Variants in HEATR4 observed in about 807,000 individuals in gnomAD.
The protein encoded by HEATR4 is HEAT repeat containing 4.
A neutral mutation model predicts 108.8 loss-of-function variants in HEATR4; 95 were observed. The ratio of observed to expected loss-of-function variants is 0.87; its 90% CI spans 0.74 to 1.04. The LOEUF is 1.04. Among genes scored for constraint, HEATR4 ranks in the 50% least tolerant of loss-of-function variants. HEATR4 has a pLI of 0.00. For missense variants in HEATR4, 1,152 were observed against 1,253.8 expected (o/e 0.92, Z 1.23); for synonymous variants, 443 against 459.4 (o/e 0.96, Z 0.46).
chr14:73,558,370 G>GT (rs67300726), intron 1 of HEATR4, among the ~76,000 whole-genome samples: 6,770 of 120,228 alleles, frequency 0.056, 579 homozygotes, highest in African/African-American at 0.18. Context: ...GCCTTGATTT[G>GT]TTTTTTTTTT....
upstream of HEATR4, among the ~76,000 whole-genome samples, chr14:73,561,831 A>T (rs1303905471): frequency 6.6e-6 from 1 of 152,012 alleles, no homozygotes; most frequent in Non-Finnish European, 1.5e-5. Context: ...CAAAAAACTT[A>T]AAAAGTATCC....
chr14:73,615,456 C>T, the HEATR4 span, among the ~76,000 whole-genome samples: 27 of 144,588 alleles, frequency 1.9e-4, no homozygotes, highest in African/African-American at 6.1e-4. Context: ...CAAGACTGGG[C>T]GCAGTGGCTT....
chr14:73,492,277 G>A lies in HEATR4; in HGVS notation c.2844+789C>T, dbSNP rs1885819908. ...GAGTCCACTCTCTGCACCTCACCTT[G>A]TCCACGTACCAGCGCAATACCTGGG... On this transcript the variant is annotated intron_variant, in intron 17 of 17. Transcript: ENST00000553558. This position sits in a 1 kb window ranked among gnomAD's most constrained non-coding sequence, Gnocchi z 4.9. 1 of 1,613,890 alleles carries A rather than the reference G, an allele frequency of 6.2e-7. No homozygotes were observed. The highest frequency in any genetic ancestry group is 1.1e-5 in the South Asian group (1 of 91,088).
At chr14:73,487,340 G>A (rs1028633497) in intron 17 of HEATR4, among the ~76,000 whole-genome samples, 25 of 152,088 alleles carry the variant, frequency 1.6e-4, no homozygotes, top group Non-Finnish European at 5.9e-5. Context: ...GCTGAGGCAG[G>A]CAGATCACCT....
At chr14:73,490,600 C>A (rs1885643124) in intron 17 of HEATR4, among the ~76,000 whole-genome samples, 2 of 152,198 alleles carry the variant, frequency 1.3e-5, no homozygotes, top group Non-Finnish European at 2.9e-5. Flanking sequence ...GGATTACAGG[C>A]GGAGCCACCG....
upstream of HEATR4, among the ~76,000 whole-genome samples, chr14:73,563,275 G>A (rs1413503339): frequency 2.6e-5 from 4 of 151,950 alleles, no homozygotes; most frequent in African/African-American, 9.7e-5. Context: ...TAGTTTAATG[G>A]GTAAAGACTT....
chr14:73,615,607 G>GTAA, the HEATR4 span, among the ~76,000 whole-genome samples: 1 of 151,856 alleles, frequency 6.6e-6, no homozygotes, highest in African/African-American at 2.4e-5. Context: ...GCACATGCCT[G>GTAA]TAATACCAAC....
intron 17 of HEATR4, among the ~76,000 whole-genome samples, chr14:73,482,523 C>A (rs1183355575): frequency 6.8e-6 from 1 of 146,134 alleles, no homozygotes; most frequent in Non-Finnish European, 1.5e-5. Context: ...CTTCGAGACT[C>A]CATCTCAAAC....
upstream of HEATR4, among the ~76,000 whole-genome samples, chr14:73,562,421 ATG>A (rs1358809533): frequency 4.6e-5 from 7 of 152,040 alleles, no homozygotes; most frequent in Non-Finnish European, 7.4e-5. Flanking sequence ...ATTGTAAAAC[ATG>A]TGTTTGAACA....
the HEATR4 span, chr14:73,617,248 C>T: frequency 1.2e-6 from 2 of 1,610,042 alleles, no homozygotes; most frequent in Non-Finnish European, 1.7e-6. Context: ...TGATGCAGGG[C>T]TGAATCCAAA....
chr14:73,575,448 C>T, the HEATR4 span: 2 of 1,429,356 alleles, frequency 1.4e-6, no homozygotes, highest in Admixed American at 4.9e-5. Flanking sequence ...TGCTTGGAAA[C>T]AACTCCAGAC....
intron 12 of HEATR4, among the ~76,000 whole-genome samples, chr14:73,499,402 C>T (rs1399839505): frequency 6.6e-6 from 1 of 152,074 alleles, no homozygotes; most frequent in Admixed American, 6.6e-5. Context: ...ATTGCTTGGA[C>T]CTGGGAGGCG....
chr14:73,628,524 C>T, the HEATR4 span, among the ~76,000 whole-genome samples: 6,632 of 152,128 alleles, frequency 0.044, 178 homozygotes, highest in Middle Eastern at 0.075. Context: ...GAGGCCGAGG[C>T]GGGCGGATCA....
the HEATR4 span, among the ~76,000 whole-genome samples, chr14:73,599,187 A>G: frequency 7.0e-3 from 1,063 of 151,814 alleles, 19 homozygotes; most frequent in African/African-American, 0.025. Context: ...AGATCATCCT[A>G]GCCCCCAGCC....
chr14:73,608,563 T>C, the HEATR4 span, among the ~76,000 whole-genome samples: 1 of 152,212 alleles, frequency 6.6e-6, no homozygotes, highest in African/African-American at 2.4e-5. Flanking sequence ...CTTTCTGTCT[T>C]CTGAGCCCTC....
chr14:73,584,282 T>C, the HEATR4 span, among the ~76,000 whole-genome samples: 3 of 151,506 alleles, frequency 2.0e-5, no homozygotes, highest in African/African-American at 7.3e-5. Context: ...CTTTCTTTCA[T>C]GTCCTAAAGA....
chr14:73,512,878 CACTA>C (rs1246423661), intron 6 of HEATR4, among the ~76,000 whole-genome samples: 15 of 152,260 alleles, frequency 9.9e-5, no homozygotes, highest in Admixed American at 5.2e-4. Context: ...CTTTTTCCTG[CACTA>C]ACTAAGCTTG....
intron 17 of HEATR4, among the ~76,000 whole-genome samples, chr14:73,485,021 G>T (rs551444373): frequency 6.6e-6 from 1 of 152,104 alleles, no homozygotes; most frequent in Admixed American, 6.6e-5. Flanking sequence ...AAAATTGGCT[G>T]GGCATGGTGG....
chr14:73,491,671 T>C (rs758109), intron 17 of HEATR4: 1,126,142 of 1,549,532 alleles, frequency 0.73, 411,617 homozygotes, highest in East Asian at 0.88. Flanking sequence ...CAGATCACTT[T>C]TACCGGCGCC....
Sources: gnomAD v4.1 joint callset for allele counts (sites outside exome capture counted in the v4.1 genomes callset) on GRCh38, gnomAD v4.1.1 for gene constraint, Gnocchi (gnomAD v3.1) non-coding constraint, MANE v1.5 for transcripts, NCBI Gene and HGNC (gene_info 2026-07-23, HGNC 2026-07-21) for gene names.